The following WDR89 variants were observed in gnomAD, a reference collection of about 807,000 sequenced individuals.
WDR89 encodes WD repeat domain 89, also known as WD repeat-containing protein 89.
WDR89 carries 17 observed loss-of-function variants against 29.1 expected under a neutral mutation model. The ratio of observed to expected loss-of-function variants is 0.58; its 90% CI spans 0.40 to 0.88. The LOEUF (loss-of-function observed/expected upper bound fraction) is 0.88, where lower values mean the gene tolerates loss of function less well. Among genes scored for constraint, WDR89 ranks in the 40% least tolerant of loss-of-function variants. The probability of loss-of-function intolerance (pLI) is 0.00; values close to 1 mark genes in which losing one functional copy is unlikely to be tolerated. For synonymous variants in WDR89, 138 were observed against 157.8 expected (o/e 0.87, Z 0.94); for missense variants, 396 against 456.3 (o/e 0.87, Z 1.20).
At position 63,638,174 on chromosome 14, in the gene WDR89, A is replaced by T. The variant is rs201977893; in HGVS notation, c.-138+3630T>A. Among the ~76,000 whole-genome samples, 19 of 152,154 alleles carry T rather than the reference A, an allele frequency of 1.2e-4. No homozygotes were observed. In the East Asian group the frequency reaches 3.3e-3, roughly 26 times the overall value. ...TAGCCAGGCTGGTCTCAAACTCCTG[A>T]CCTCAGGTAATCCACCCGCCTCGGC... On this transcript the variant is annotated intron_variant, in intron 1 of 2. Coordinates refer to ENST00000620954, the MANE Select transcript of WDR89 (RefSeq NM_080666.4).
chr14:63,639,284 C>T (rs1174926772), intron 1 of WDR89, among the ~76,000 whole-genome samples: 1 of 150,588 alleles, frequency 6.6e-6, no homozygotes, highest in Admixed American at 6.6e-5. Flanking sequence ...CTTTGGGAGG[C>T]CAAGGTGGGA....
At chr14:63,608,666 G>GCACACACACACACACACA (rs57605983) in intron 2 of WDR89, among the ~76,000 whole-genome samples, 175 of 144,744 alleles carry the variant, frequency 1.2e-3, no homozygotes, top group African/African-American at 4.2e-3. Context: ...TGTGGTGCAT[G>GCACACACACACACACACA]CACACACACA....
intron 1 of WDR89, among the ~76,000 whole-genome samples, chr14:63,633,188 A>G (rs1883518003): frequency 6.6e-6 from 1 of 152,138 alleles, no homozygotes. Context: ...CCTGCAGAAT[A>G]AACTAGTATT....
intron 2 of WDR89, among the ~76,000 whole-genome samples, chr14:63,614,468 C>T (rs896504655): frequency 3.3e-5 from 5 of 152,024 alleles, no homozygotes; most frequent in Admixed American, 6.6e-5. Flanking sequence ...CATGTCACCA[C>T]ACCTGGCTAT....
At chr14:63,612,734 A>G (rs1294147744) in intron 2 of WDR89, among the ~76,000 whole-genome samples, 1 of 152,154 alleles carries the variant, frequency 6.6e-6, no homozygotes, top group Non-Finnish European at 1.5e-5. Flanking sequence ...GAAAGAAGCA[A>G]ACTGAGGGAG....
At chr14:63,610,707 T>C (rs190568029) in intron 2 of WDR89, among the ~76,000 whole-genome samples, 115 of 147,962 alleles carry the variant, frequency 7.8e-4, no homozygotes, top group Admixed American at 1.4e-3. Context: ...CTTTTCTTTT[T>C]TTTTTTTTTT....
At chr14:63,614,386 C>A (rs1882179212) in intron 2 of WDR89, among the ~76,000 whole-genome samples, 1 of 151,490 alleles carries the variant, frequency 6.6e-6, no homozygotes, top group East Asian at 1.9e-4. Context: ...CAGCTCACGG[C>A]AGCCTTGACC....
chr14:63,635,252 C>T (rs1883654546), intron 1 of WDR89, among the ~76,000 whole-genome samples: 1 of 151,974 alleles, frequency 6.6e-6, no homozygotes, highest in Non-Finnish European at 1.5e-5. Flanking sequence ...TAACTGAATC[C>T]AACAACATAT....
rs374715164 is a variant in WDR89 at position 63,599,284 on chromosome 14, C to T, written c.659G>A (p.Ser220Asn). The T allele has an allele frequency of 1.2e-5, 19 of 1,613,538 alleles. No individual in the cohort carries two copies. The highest frequency in any genetic ancestry group is 2.7e-5 in the African/African-American group (2 of 74,928). The change falls in exon 3 of 3, where the codon AGC becomes AAC. Residue 220 changes from serine (S) to asparagine (N), a missense_variant. Coordinates refer to ENST00000620954, the MANE Select transcript of WDR89 (RefSeq NM_080666.4). ...ACCTTTCCCAGACCAACCAATACAG[C>T]TTACTGATGAAATTGAGTTACAGGT... ...VTTCNSISSV[S>N]CIGWSGKGYK... is the part of the protein sequence containing the mutation.
chr14:63,626,677 A>C (rs1261290825), intron 1 of WDR89, among the ~76,000 whole-genome samples: 1 of 56,590 alleles, frequency 1.8e-5, no homozygotes, highest in Non-Finnish European at 3.5e-5. Context: ...AGACTGTCTC[A>C]AAAAAAAAAA....
chr14:63,640,814 A>G (rs1884065680), intron 1 of WDR89, among the ~76,000 whole-genome samples: 1 of 145,224 alleles, frequency 6.9e-6, no homozygotes, highest in Non-Finnish European at 1.5e-5. Flanking sequence ...AATAAAGAAA[A>G]CGGCCGGGCA....
chr14:63,599,226 T>C lies in WDR89; in HGVS notation c.717A>G (p.Glu239=), dbSNP rs1014967554. ...GATTAAGATCCCACCAATAAAATCC[T>C]TCATCATGTGTCATGCAGTAAATCT... ...YKQIYCMTHD[E]GFYWWDLNHL... is the part of the protein sequence containing the mutation. Residue 239 remains glutamate, a synonymous_variant, in exon 3 of 3, where the codon GAA becomes GAG. Transcript: ENST00000620954. The C allele has an allele frequency of 6.2e-7, 1 of 1,605,400 alleles. No homozygotes were observed. The highest frequency in any genetic ancestry group is 8.5e-7 in the Non-Finnish European group (1 of 1,174,502).
intron 2 of WDR89, among the ~76,000 whole-genome samples, chr14:63,612,492 C>T (rs1438708834): frequency 6.6e-6 from 1 of 152,002 alleles, no homozygotes; most frequent in Non-Finnish European, 1.5e-5. Flanking sequence ...TATCCTGCTT[C>T]AGCCTCCTAA....
At chr14:63,610,771 C>T (rs547418497) in intron 2 of WDR89, among the ~76,000 whole-genome samples, 4 of 147,054 alleles carry the variant, frequency 2.7e-5, no homozygotes, top group South Asian at 4.3e-4. Context: ...GGTGCAATCT[C>T]GGCTCACTGC....
chr14:63,632,285 G>A (rs1373170332), intron 1 of WDR89, among the ~76,000 whole-genome samples: 3 of 151,960 alleles, frequency 2.0e-5, no homozygotes, highest in African/African-American at 7.3e-5. Context: ...ACAACTCAGA[G>A]GGAAAGTACG....
intron 2 of WDR89, among the ~76,000 whole-genome samples, chr14:63,606,321 T>C (rs1895319179): frequency 6.6e-6 from 1 of 152,102 alleles, no homozygotes; most frequent in Non-Finnish European, 1.5e-5. Flanking sequence ...AAAGTAGAAA[T>C]AGGCTTATGG....
At chr14:63,631,110 C>T (rs1023021485) in intron 1 of WDR89, among the ~76,000 whole-genome samples, 3 of 152,284 alleles carry the variant, frequency 2.0e-5, no homozygotes, top group South Asian at 4.1e-4. Context: ...GTTGCATGTT[C>T]TCACCACAAA....
intron 1 of WDR89, 43 bp from the exon 2 acceptor site, chr14:63,625,076 A>G (rs1223099907): frequency 1.3e-5 from 2 of 152,226 alleles, no homozygotes; most frequent in African/African-American, 2.4e-5. Context: ...GCACAAAAAA[A>G]TAAACAACAA....
At chr14:63,614,407 A>T (rs1882180277) in intron 2 of WDR89, among the ~76,000 whole-genome samples, 1 of 151,248 alleles carries the variant, frequency 6.6e-6, no homozygotes, top group Non-Finnish European at 1.5e-5. Flanking sequence ...TCCCTGGCTC[A>T]AGCAATTCTC....
Sources: gnomAD v4.1 joint callset for allele counts (sites outside exome capture counted in the v4.1 genomes callset) on GRCh38, gnomAD v4.1.1 for gene constraint, MANE v1.5 for transcripts, NCBI Gene and HGNC (gene_info 2026-07-23, HGNC 2026-07-21) for gene names.